BAZ1B: variants seen among roughly 807,000 people sequenced by gnomAD.
The protein encoded by BAZ1B is tyrosine-protein kinase BAZ1B.
In BAZ1B, 22 loss-of-function variants were observed where a neutral mutation model predicts 153.8. The observed-to-expected ratio is 0.14, with a 90% CI of 0.10 to 0.20. BAZ1B has a LOEUF of 0.20. BAZ1B is among the 10% of genes least tolerant of loss of function. The pLI, the probability that BAZ1B is intolerant of heterozygous loss-of-function variation, is 1.00. For missense variants in BAZ1B, 1,325 were observed against 1,799.3 expected (o/e 0.74, Z 4.77); for synonymous variants, 676 against 633.4 (o/e 1.07, Z -1.01).
intron 1 of BAZ1B, among the ~76,000 whole-genome samples, chr7:73,519,630 T>C (rs538910487): frequency 9.8e-5 from 15 of 152,372 alleles, no homozygotes; most frequent in East Asian, 5.8e-4. Context: ...TCTTCATATA[T>C]ATATTTCAAT....
chr7:73,510,947 C>T lies in BAZ1B; in HGVS notation c.108-95G>A. ...TATATACAGAAAAAAATCTAGTCTC[C>T]TTTTTAAAATGTGTAGCATGAGAGG... On this transcript the variant is annotated intron_variant, in intron 1 of 19. Coordinates refer to ENST00000339594, the MANE Select transcript of BAZ1B (RefSeq NM_032408.4). 3.9e-6 allele frequency: 4 copies of T among 1,022,294 alleles called. No homozygotes were observed. The South Asian group carries it at 5.7e-5, about 15-fold the overall frequency. 63.3% of individuals were successfully genotyped at this position (1,022,294 alleles called of 1,614,324 possible).
intron 13 of BAZ1B, among the ~76,000 whole-genome samples, chr7:73,451,949 G>A (rs1238832824): frequency 6.6e-6 from 1 of 152,166 alleles, no homozygotes; most frequent in African/African-American, 2.4e-5. Context: ...AGAACTGGCA[G>A]GGAATGACTA....
In BAZ1B at chr7:73,500,329, G is replaced by A. The variant is rs1429416942; in HGVS notation, c.370-1631C>T. Among the ~76,000 whole-genome samples the A allele has an allele frequency of 2.0e-5, 3 of 151,990 alleles. No individual in the cohort carries two copies. The East Asian group carries it at 5.8e-4, about 29-fold the overall frequency. On this transcript the variant is annotated intron_variant, in intron 3 of 19. Coordinates refer to ENST00000339594, the MANE Select transcript of BAZ1B (RefSeq NM_032408.4). The stretch of plus-strand genomic sequence containing the variant: ...AAGGTGGGTGGACTGCTTGAGCCCA[G>A]GAGTTCAAGACCAGCCTGGGTAACA...
At chr7:73,489,728 A>C (rs150806018) in intron 5 of BAZ1B, among the ~76,000 whole-genome samples, 267 of 152,308 alleles carry the variant, frequency 1.8e-3, no homozygotes, top group Non-Finnish European at 3.4e-3. Context: ...AGGAGTTCGA[A>C]GCTATAGTGA....
At chr7:73,464,577 G>C (rs1788510027) in intron 11 of BAZ1B, among the ~76,000 whole-genome samples, 1 of 152,072 alleles carries the variant, frequency 6.6e-6, no homozygotes, top group African/African-American at 2.4e-5. Flanking sequence ...CATTTGAATG[G>C]AATCATACAC....
chr7:73,512,285 G>T (rs1219391839), intron 1 of BAZ1B, among the ~76,000 whole-genome samples: 1 of 151,286 alleles, frequency 6.6e-6, no homozygotes, highest in Non-Finnish European at 1.5e-5. Context: ...AAAACATTAT[G>T]AGTTTTTTGT....
chr7:73,460,778 G>C (rs1554570257), intron 12 of BAZ1B, among the ~76,000 whole-genome samples: 1 of 152,142 alleles, frequency 6.6e-6, no homozygotes, highest in African/African-American at 2.4e-5. Context: ...TGATAGATGA[G>C]GAAACAGAAG....
rs1421927895 is a variant in BAZ1B at position 73,442,068 on chromosome 7, G to C, written c.*15+113C>G. The C allele has an allele frequency of 6.6e-6, 5 of 756,776 alleles. No individual in the cohort carries two copies. The African/African-American group carries it at 8.7e-5, about 13-fold the overall frequency. The allele number at this position is 756,776 out of a possible 1,614,324, so 46.9% of individuals were successfully genotyped here. Reference sequence around the variant, plus strand: ...AAGAGCTTTTAGAAAAACAGCATAAGCTTGGGATGACAGGCGTTTCTGGAC... The same window carrying C: ...AAGAGCTTTTAGAAAAACAGCATAACCTTGGGATGACAGGCGTTTCTGGAC... On this transcript the variant is annotated intron_variant, in intron 19 of 19. Transcript: ENST00000339594.
In BAZ1B at chr7:73,486,735, CAG is replaced by C. The variant is rs1449628382; in HGVS notation, c.891+2457_891+2458del. 2.0e-5 allele frequency among the ~76,000 whole-genome samples: 3 copies of C among 152,154 alleles called. No individual in the cohort carries two copies. In the East Asian group the frequency reaches 5.8e-4, roughly 29 times the overall value. ...CATTCTACAAAAACCAAAGAGTATA[CAG>C]AGAGAGAAAACATCCCATGCCTTTG... On this transcript the variant is annotated intron_variant, in intron 6 of 19. Transcript: ENST00000339594.
intron 3 of BAZ1B, among the ~76,000 whole-genome samples, chr7:73,504,832 A>G (rs1563398715): frequency 6.6e-6 from 1 of 152,194 alleles, no homozygotes; most frequent in African/African-American, 2.4e-5. Flanking sequence ...TGTCTCAATA[A>G]AAAACAAACA....
chr7:73,442,674 A>T lies in BAZ1B; in HGVS notation c.4094+51T>A, dbSNP rs782340112. On this transcript the variant is annotated intron_variant, in intron 18 of 19. Coordinates refer to ENST00000339594, the MANE Select transcript of BAZ1B (RefSeq NM_032408.4). ...CCCCTCAGGGGCTCTGGAAGCTTTT[A>T]GAACCAGCCAGGCCACTCCTCTCCC... is the stretch of plus-strand genomic sequence containing the variant. 37 of 1,579,166 alleles carry T rather than the reference A, an allele frequency of 2.3e-5. 1 individual carries two copies. The Admixed American group carries it at 6.7e-4, about 28-fold the overall frequency.
intron 7 of BAZ1B, among the ~76,000 whole-genome samples, chr7:73,475,997 CATA>C (rs1249480105): frequency 6.6e-6 from 1 of 151,330 alleles, no homozygotes; most frequent in African/African-American, 2.4e-5. Flanking sequence ...TTTCACTTAG[CATA>C]ATGTTTTCAA....
chr7:73,471,952 A>T (rs1788821144), intron 7 of BAZ1B, among the ~76,000 whole-genome samples: 1 of 152,166 alleles, frequency 6.6e-6, no homozygotes. Context: ...ACTACAAACA[A>T]ACATAAACCA....
intron 3 of BAZ1B, among the ~76,000 whole-genome samples, chr7:73,501,114 G>C (rs1790114389): frequency 6.6e-6 from 1 of 151,976 alleles, no homozygotes; most frequent in Non-Finnish European, 1.5e-5. Context: ...AAATTAGCTG[G>C]GTGTGGTGGC....
chr7:73,501,930 A>T, intron 3 of BAZ1B, among the ~76,000 whole-genome samples: 1 of 139,846 alleles, frequency 7.2e-6, no homozygotes. Flanking sequence ...TCACTCTGTC[A>T]CCTAGGCTGG....
Position 73,522,175 on chromosome 7 carries a change from C to A in BAZ1B, c.-242G>T, listed in dbSNP as rs1476954684. 1 of 395,068 alleles carries A rather than the reference C, an allele frequency of 2.5e-6. No individual in the cohort carries two copies. The highest frequency in any genetic ancestry group is 4.4e-5 in the Admixed American group (1 of 22,522). The allele number at this position is 395,068 out of a possible 1,614,324, so 24.5% of individuals were successfully genotyped here. A position where few individuals can be genotyped will look rare whatever the true frequency, so the allele number is the denominator to read the frequency against. ...GCGCCTCCCAGCAGCCCCCCGCCGACCTCCGCTTCGGGTCCCGGCGGCCGG... is the reference window on the plus strand; with the variant it reads ...GCGCCTCCCAGCAGCCCCCCGCCGAACTCCGCTTCGGGTCCCGGCGGCCGG... On this transcript the variant is annotated 5_prime_UTR_variant, in exon 1 of 20. Coordinates refer to ENST00000339594, the MANE Select transcript of BAZ1B (RefSeq NM_032408.4).
At chr7:73,456,244 T>C (rs1297439675) in intron 13 of BAZ1B, among the ~76,000 whole-genome samples, 1 of 152,180 alleles carries the variant, frequency 6.6e-6, no homozygotes, top group Non-Finnish European at 1.5e-5. Flanking sequence ...ACACTGAATC[T>C]GGCAATGATT....
chr7:73,516,759 A>G (rs1790814177), intron 1 of BAZ1B, among the ~76,000 whole-genome samples: 1 of 121,992 alleles, frequency 8.2e-6, no homozygotes, highest in Non-Finnish European at 1.7e-5. Flanking sequence ...TGGGCGACAG[A>G]CTGTGACTGT....
rs782406061 is a variant in BAZ1B at position 73,498,609 on chromosome 7, A to G, written c.459T>C (p.Asp153=). ...CACTTGATGGAGAATCACAGGCACC[A>G]TCAGATTTCTTCTCAGTGGCCTCTT... ...VDEEATEKKS[D]GACDSPSSDK... The change falls in exon 4 of 20, where the codon GAT becomes GAC. Residue 153 remains aspartate (D), a synonymous_variant. Transcript: ENST00000339594. 8.7e-6 allele frequency: 14 copies of G among 1,614,008 alleles called. No homozygotes were observed. Among genetic ancestry groups the G allele is most frequent in the South Asian group, 2.2e-5 (2 of 91,086 alleles).
Sources: gnomAD v4.1 joint callset for allele counts (sites outside exome capture counted in the v4.1 genomes callset) on GRCh38, gnomAD v4.1.1 for gene constraint, MANE v1.5 for transcripts, NCBI Gene and HGNC (gene_info 2026-07-23, HGNC 2026-07-21) for gene names.